Variants in SLC38A5 observed in about 807,000 individuals in gnomAD.
The protein encoded by SLC38A5 is solute carrier family 38 member 5.
A neutral mutation model predicts 34.6 loss-of-function variants in SLC38A5; 9 were observed. That is an observed-to-expected ratio of 0.26 (90% confidence interval 0.16 to 0.45). SLC38A5 has a LOEUF of 0.45. Ranked by LOEUF, SLC38A5 falls within the 20% of genes least tolerant of loss-of-function variation. SLC38A5 has a pLI of 1.00. For missense variants in SLC38A5, 253 were observed against 394.7 expected, an observed-to-expected ratio of 0.64 and a Z score of 3.04; for synonymous variants, 157 against 155.6, an observed-to-expected ratio of 1.01 and a Z score of -0.07.
At chrX:48,463,605 C>A (rs1253754172) in intron 8 of SLC38A5, among the ~76,000 whole-genome samples, 14 of 102,435 alleles carry the variant, frequency 1.4e-4, no homozygotes, top group Non-Finnish European at 2.6e-4. Flanking sequence ...GACTCTGTCT[C>A]AAAAAAATAA....
At chrX:48,463,713 G>T (rs1330074797) in intron 8 of SLC38A5, among the ~76,000 whole-genome samples, 1 of 100,929 alleles carries the variant, frequency 9.9e-6, no homozygotes, top group Non-Finnish European at 2.0e-5. Flanking sequence ...GGAGGCAGAG[G>T]TTGCAGTGAG....
intron 2 of SLC38A5, 193 bp downstream of exon 2, chrX:48,469,142 G>A (rs1018251030): frequency 1.1e-4 from 52 of 454,829 alleles, no homozygotes; most frequent in Admixed American, 3.7e-4. Context: ...AGCACCCTCC[G>A]GAGCCTCCCA....
intron 8 of SLC38A5, among the ~76,000 whole-genome samples, chrX:48,463,277 T>C (rs1436977309): frequency 1.8e-5 from 2 of 112,024 alleles, no homozygotes; most frequent in Non-Finnish European, 3.8e-5. Context: ...AACCAGAAGG[T>C]CAAACACCCC....
chrX:48,465,093 G>A (rs976779560), intron 8 of SLC38A5, among the ~76,000 whole-genome samples: 3 of 111,431 alleles, frequency 2.7e-5, no homozygotes, highest in Non-Finnish European at 5.6e-5. Context: ...GAAACACACA[G>A]AGGCAGCTAC....
Position 48,458,651 on chromosome X carries a change from G to C in SLC38A5, c.*282C>G. 1 of 969,492 alleles carries C rather than the reference G, an allele frequency of 1.0e-6. No individual in the cohort carries two copies. The highest frequency in any genetic ancestry group is 1.3e-6 in the Non-Finnish European group (1 of 775,619). The allele number at this position is 969,492 out of a possible 1,213,427, so 79.9% of individuals were successfully genotyped here. On this transcript the variant is annotated 3_prime_UTR_variant, in exon 17 of 17. Transcript: ENST00000620913. ...ACTGGGCTGGGCAAAGGCTCCACCA[G>C]GACCTGGCCTCCTCCTCCTCCTCCT... is the stretch of plus-strand genomic sequence containing the variant.
chrX:48,467,485 G>A (rs1296559839), intron 4 of SLC38A5: 3 of 434,754 alleles, frequency 6.9e-6, no homozygotes, highest in Admixed American at 4.0e-5. Context: ...TCACTGGGCC[G>A]AAGAGCGGGT....
intron 11 of SLC38A5, 41 bp downstream of exon 11, chrX:48,461,966 G>T: frequency 2.6e-6 from 3 of 1,142,659 alleles, no homozygotes; most frequent in Non-Finnish European, 2.3e-6. Context: ...GAACCAGAGG[G>T]CCTGAGTGTG....
intron 16 of SLC38A5, 81 bp from the exon 17 acceptor site, chrX:48,459,115 C>A (rs181766900): frequency 5.7e-5 from 57 of 1,005,119 alleles, no homozygotes; most frequent in Non-Finnish European, 7.0e-5. Flanking sequence ...AAGTCTTCCA[C>A]CTCCTTCAGA....
intron 14 of SLC38A5, 121 bp downstream of exon 14, chrX:48,460,528 C>A: frequency 1.5e-6 from 1 of 679,360 alleles, no homozygotes; most frequent in Non-Finnish European, 2.2e-6. Flanking sequence ...CCTTTCCTGT[C>A]TGTCCATCCT....
intron 14 of SLC38A5, 29 bp downstream of exon 14, chrX:48,460,620 T>C: frequency 8.4e-7 from 1 of 1,187,500 alleles, no homozygotes; most frequent in South Asian, 1.8e-5. Flanking sequence ...CATCCATCCA[T>C]GTCCCTCTCA....
chrX:48,459,785 A>G lies in SLC38A5; in HGVS notation c.1160T>C (p.Val387Ala). 1 of 1,211,665 alleles carries G rather than the reference A, an allele frequency of 8.3e-7. No individual in the cohort carries two copies. Among genetic ancestry groups the G allele is most frequent in the East Asian group, 3.0e-5 (1 of 33,815 alleles). Reference protein sequence around the residue: ...VAIALILLVLVNVLVICVPTI... With the variant: ...VAIALILLVLANVLVICVPTI... Reference sequence around the variant, plus strand: ...TGGCACACAGATGACAAGGACATTGACCAAAACAAGCAGGATCAGAGCTAT... The same window carrying G: ...TGGCACACAGATGACAAGGACATTGGCCAAAACAAGCAGGATCAGAGCTAT... Residue 387 changes from valine to alanine, a missense_variant, in exon 15 of 17, where the codon GTC (valine) becomes GCC (alanine). This residue lies in a region of SLC38A5 where 176 missense variants were observed against 273.0 expected (regional missense o/e 0.64). Coordinates refer to ENST00000620913, the MANE Select transcript of SLC38A5 (RefSeq NM_033518.4).
intron 8 of SLC38A5, among the ~76,000 whole-genome samples, chrX:48,464,625 G>C (rs1160608776): frequency 8.9e-6 from 1 of 112,098 alleles, no homozygotes; most frequent in Non-Finnish European, 1.9e-5. Context: ...GCAAAACCCC[G>C]TCTCTACTAA....
Position 48,459,644 on chromosome X carries a change from A to G in SLC38A5, c.1214-5T>C, listed in dbSNP as rs1556961403. 3.4e-6 allele frequency: 4 copies of G among 1,161,993 alleles called. No homozygotes were observed. Among genetic ancestry groups the G allele is most frequent in the Non-Finnish European group, 4.6e-6 (4 of 871,342 alleles). ...GGCTGGGGGCTGAGGTGGACCCTGG[A>G]GAACAAGAAGAAGGGACAGGAGTCA... On this transcript the variant is annotated splice_polypyrimidine_tract_variant and splice_region_variant and intron_variant, in intron 15 of 16. Transcript: ENST00000620913.
At chrX:48,469,586 A>AT (rs2061500823) in intron 1 of SLC38A5, 150 bp from the exon 2 acceptor site, 1 of 111,951 alleles carries the variant, frequency 8.9e-6, no homozygotes, top group African/African-American at 3.3e-5. Flanking sequence ...GGCCTGAAAG[A>AT]TTGAGGGTGT....
chrX:48,458,640 A>T lies in SLC38A5; in HGVS notation c.*293T>A. On this transcript the variant is annotated 3_prime_UTR_variant, in exon 17 of 17. Transcript: ENST00000620913. Reference sequence around the variant, plus strand: ...AGGCAGAGAGGACTGGGCTGGGCAAAGGCTCCACCAGGACCTGGCCTCCTC... The same window carrying T: ...AGGCAGAGAGGACTGGGCTGGGCAATGGCTCCACCAGGACCTGGCCTCCTC... 1.0e-6 allele frequency: 1 copy of T among 954,683 alleles called. No individual in the cohort carries two copies. The highest frequency in any genetic ancestry group is 2.0e-5 in the African/African-American group (1 of 48,820). The allele number at this position is 954,683 out of a possible 1,213,427, so 78.7% of individuals were successfully genotyped here.
intron 8 of SLC38A5, among the ~76,000 whole-genome samples, chrX:48,463,853 G>GAGAGAGAAAGAA (rs1556962547): frequency 3.9e-5 from 3 of 76,997 alleles, no homozygotes; most frequent in Admixed American, 1.6e-4. Context: ...AAGAAAGAGA[G>GAGAGAGAAAGAA]AGAAAGAAAG....
intron 4 of SLC38A5, chrX:48,467,324 A>G: frequency 2.4e-6 from 1 of 416,884 alleles, no homozygotes; most frequent in Non-Finnish European, 4.2e-6. Flanking sequence ...AGTGGAGAGG[A>G]CCGGGGGAGG....
intron 8 of SLC38A5, among the ~76,000 whole-genome samples, chrX:48,463,373 C>T (rs1015241540): frequency 2.7e-5 from 3 of 111,574 alleles, no homozygotes; most frequent in Non-Finnish European, 5.7e-5. Context: ...GAGGCTGAGG[C>T]GGGTGGATCA....
chrX:48,463,933 T>C, intron 8 of SLC38A5, among the ~76,000 whole-genome samples: 1 of 107,278 alleles, frequency 9.3e-6, no homozygotes, highest in Non-Finnish European at 1.9e-5. Flanking sequence ...AAGGAGAAAA[T>C]CAGTGCAACA....
Sources: gnomAD v4.1 joint callset for allele counts (sites outside exome capture counted in the v4.1 genomes callset) on GRCh38, gnomAD v4.1.1 for gene constraint, gnomAD v4.1.1 regional missense constraint, MANE v1.5 for transcripts, NCBI Gene and HGNC (gene_info 2026-07-23, HGNC 2026-07-21) for gene names.